NR3C2: variants seen among roughly 807,000 people sequenced by gnomAD.
The protein encoded by NR3C2 is nuclear receptor subfamily 3 group C member 2, also known as mineralocorticoid receptor.
In NR3C2, 15 loss-of-function variants were observed where a neutral mutation model predicts 86.4. The observed-to-expected ratio is 0.17, with a 90% CI of 0.12 to 0.27. The LOEUF is 0.27. Among genes scored for constraint, NR3C2 ranks in the 10% least tolerant of loss-of-function variants. NR3C2 has a pLI of 1.00. For synonymous variants in NR3C2, 458 were observed against 450.5 expected (o/e 1.02, Z -0.21); for missense variants, 960 against 1,195.6 (o/e 0.80, Z 2.91).
intron 2 of NR3C2, among the ~76,000 whole-genome samples, chr4:148,320,055 T>A (rs6813390): frequency 0.22 from 25,118 of 114,632 alleles, 3,222 homozygotes; most frequent in African/African-American, 0.36. Flanking sequence ...CGTCCCATCA[T>A]TACCTAATTT....
intron 2 of NR3C2, among the ~76,000 whole-genome samples, chr4:148,365,889 A>T (rs1403320926): frequency 6.6e-6 from 1 of 152,168 alleles, no homozygotes; most frequent in African/African-American, 2.4e-5. Context: ...TGACCCCACT[A>T]AGACTCTTGT....
intron 4 of NR3C2, among the ~76,000 whole-genome samples, chr4:148,159,988 T>C (rs1029776132): frequency 1.3e-5 from 2 of 152,186 alleles, no homozygotes; most frequent in Non-Finnish European, 2.9e-5. Context: ...GCTGTGTGTG[T>C]ATCTGTGTGT....
chr4:148,282,063 G>A (rs759363561), intron 2 of NR3C2, among the ~76,000 whole-genome samples: 27 of 152,166 alleles, frequency 1.8e-4, no homozygotes, highest in African/African-American at 4.8e-4. Flanking sequence ...ACAGAGTCTC[G>A]CTGTTGTCCA....
chr4:148,236,230 C>T (rs1469604045), intron 3 of NR3C2, among the ~76,000 whole-genome samples: 1 of 152,274 alleles, frequency 6.6e-6, no homozygotes, highest in Non-Finnish European at 1.5e-5. Flanking sequence ...TCATTTCTAC[C>T]CAGGCTTCAA....
At chr4:148,178,318 G>A (rs1009729994) in intron 4 of NR3C2, among the ~76,000 whole-genome samples, 1 of 151,820 alleles carries the variant, frequency 6.6e-6, no homozygotes, top group African/African-American at 2.4e-5. Context: ...GCAACAGAGT[G>A]AGACTCTGTC....
At chr4:148,426,900 C>T (rs1242773213) in intron 2 of NR3C2, among the ~76,000 whole-genome samples, 1 of 152,040 alleles carries the variant, frequency 6.6e-6, no homozygotes, top group East Asian at 1.9e-4. Context: ...ACTCATGTAG[C>T]CAAAGTAACA....
Position 148,435,808 on chromosome 4 carries a change from T to C in NR3C2, c.1053A>G (p.Gly351=). 6.2e-7 allele frequency: 1 copy of C among 1,614,176 alleles called. No homozygotes were observed. The highest frequency in any genetic ancestry group is 8.5e-7 in the Non-Finnish European group (1 of 1,180,040). The change falls in exon 2 of 9, where the codon GGA becomes GGG. Residue 351 remains glycine (G), a synonymous_variant. Coordinates refer to ENST00000358102, the MANE Select transcript of NR3C2 (RefSeq NM_000901.5). ...GAACCACATCCCGCAATGTACTGGA[T>C]CCAGCAGAGGTGCCAGAAGCAGTGT... ...FSYTASGTSA[G]SSTLRDVVPS...
At chr4:148,328,011 C>T (rs1172672243) in intron 2 of NR3C2, among the ~76,000 whole-genome samples, 4 of 152,008 alleles carry the variant, frequency 2.6e-5, no homozygotes, top group Non-Finnish European at 4.4e-5. Context: ...ATACTATGCC[C>T]CAGCTTGTCC....
At chr4:148,365,382 T>C (rs1323371105) in intron 2 of NR3C2, among the ~76,000 whole-genome samples, 2 of 152,198 alleles carry the variant, frequency 1.3e-5, no homozygotes, top group African/African-American at 2.4e-5. Flanking sequence ...AGATAAGGGA[T>C]ACTCAACCTG....
intron 2 of NR3C2, among the ~76,000 whole-genome samples, chr4:148,413,890 G>A (rs1748856430): frequency 6.6e-6 from 1 of 151,932 alleles, no homozygotes; most frequent in Non-Finnish European, 1.5e-5. Flanking sequence ...CAGGCATTAT[G>A]CAAAGTTTAT....
At chr4:148,150,668 C>A (rs1734063486) in intron 6 of NR3C2, among the ~76,000 whole-genome samples, 1 of 152,154 alleles carries the variant, frequency 6.6e-6, no homozygotes, top group South Asian at 2.1e-4. Flanking sequence ...CTCTTGGCAA[C>A]TCAAATTCTT....
At chr4:148,166,083 GAATT>G (rs1446327694) in intron 4 of NR3C2, among the ~76,000 whole-genome samples, 1 of 152,100 alleles carries the variant, frequency 6.6e-6, no homozygotes, top group African/African-American at 2.4e-5. Flanking sequence ...TCTAAATTAA[GAATT>G]AATAGTAGCC....
chr4:148,385,585 A>G (rs907498633), intron 2 of NR3C2, among the ~76,000 whole-genome samples: 3 of 152,204 alleles, frequency 2.0e-5, no homozygotes, highest in African/African-American at 2.4e-5. Flanking sequence ...ACACAAAGAT[A>G]TATCTCCTTA....
chr4:148,135,740 G>A (rs1215388448), intron 6 of NR3C2, among the ~76,000 whole-genome samples: 4 of 151,824 alleles, frequency 2.6e-5, no homozygotes, highest in African/African-American at 9.7e-5. Context: ...AAAGAGCACA[G>A]AAGTTCATAC....
chr4:148,157,005 G>A (rs1421370917), intron 4 of NR3C2, among the ~76,000 whole-genome samples: 1 of 151,840 alleles, frequency 6.6e-6, no homozygotes, highest in Non-Finnish European at 1.5e-5. Context: ...GTCCTTTACA[G>A]GGACATGGAT....
chr4:148,234,357 C>A (rs1738628544), intron 3 of NR3C2, among the ~76,000 whole-genome samples: 1 of 151,974 alleles, frequency 6.6e-6, no homozygotes, highest in Non-Finnish European at 1.5e-5. Context: ...GTCTCCAGTA[C>A]TTATATAACC....
intron 2 of NR3C2, among the ~76,000 whole-genome samples, chr4:148,371,578 C>T (rs569508742): frequency 2.7e-4 from 41 of 151,634 alleles, no homozygotes; most frequent in African/African-American, 9.0e-4. Context: ...ACCTTGTGTG[C>T]ACCCAATCCC....
At chr4:148,347,283 A>C (rs1220837225) in intron 2 of NR3C2, among the ~76,000 whole-genome samples, 2 of 151,878 alleles carry the variant, frequency 1.3e-5, no homozygotes, top group Non-Finnish European at 2.9e-5. Flanking sequence ...AGCGTTTTTC[A>C]CCTTTCCTTA....
chr4:148,116,811 G>A (rs1354373925), intron 7 of NR3C2, among the ~76,000 whole-genome samples: 1 of 152,130 alleles, frequency 6.6e-6, no homozygotes, highest in Non-Finnish European at 1.5e-5. Flanking sequence ...ATTACGAGCT[G>A]AGTGAATATG....
Sources: allele counts gnomAD v4.1 joint callset (sites outside exome capture counted in the v4.1 genomes callset), GRCh38; gene constraint gnomAD v4.1.1; transcripts MANE v1.5; gene names NCBI Gene and HGNC (gene_info 2026-07-23, HGNC 2026-07-21).